Variants in NRXN1 observed in about 807,000 individuals in gnomAD.
NRXN1 encodes neurexin 1, also known as neurexin-1.
A neutral mutation model predicts 150.9 loss-of-function variants in NRXN1; 39 were observed. The observed-to-expected ratio is 0.26, with a 90% CI of 0.20 to 0.34. NRXN1 has a LOEUF of 0.34. Ranked by LOEUF, NRXN1 falls within the 10% of genes least tolerant of loss-of-function variation. The probability of loss-of-function intolerance (pLI) is 1.00; values close to 1 mark genes in which losing one functional copy is unlikely to be tolerated. For synonymous variants in NRXN1, 924 were observed against 757.0 expected, an observed-to-expected ratio of 1.22 and a Z score of -3.62; for missense variants, 1,815 against 1,949.9, an observed-to-expected ratio of 0.93 and a Z score of 1.30.
intron 5 of NRXN1, among the ~76,000 whole-genome samples, chr2:50,722,194 C>T (rs558317285): frequency 3.6e-4 from 54 of 152,066 alleles, no homozygotes; most frequent in Non-Finnish European, 2.4e-4. Flanking sequence ...TCATTTACTG[C>T]ATTATTTCTA....
Position 50,497,264 on chromosome 2 carries a change from T to G in NRXN1, c.2879+69A>C, listed in dbSNP as rs2091688343. On this transcript the variant is annotated intron_variant, in intron 14 of 22. Transcript: ENST00000401669. ...GAGCCAGTATGTTCTTCTTAGTGTA[T>G]ATTTTTGGAAATTGACGTCCATTTT... The G allele has an allele frequency of 1.4e-5, 17 of 1,252,698 alleles. No homozygotes were observed. In the South Asian group the frequency reaches 3.2e-4, roughly 24 times the overall value. 77.6% of individuals were successfully genotyped at this position (1,252,698 alleles called of 1,614,324 possible).
At chr2:50,392,514 G>C (rs775367846) in intron 17 of NRXN1, among the ~76,000 whole-genome samples, 1 of 152,104 alleles carries the variant, frequency 6.6e-6, no homozygotes, top group South Asian at 2.1e-4. Context: ...AAAAAGAGAT[G>C]TCTTTTACAA....
chr2:50,418,945 A>T (rs1465289970), intron 17 of NRXN1, among the ~76,000 whole-genome samples: 1 of 151,982 alleles, frequency 6.6e-6, no homozygotes, highest in African/African-American at 2.4e-5. Context: ...TAAGCTTTTT[A>T]TCATTTAAAT....
intron 8 of NRXN1, among the ~76,000 whole-genome samples, chr2:50,596,414 T>A (rs977296869): frequency 6.6e-6 from 1 of 152,234 alleles, no homozygotes; most frequent in Non-Finnish European, 1.5e-5. Context: ...TTTGTTGATG[T>A]ACACCATTTC....
chr2:50,266,758 C>T (rs1270038502), intron 17 of NRXN1, among the ~76,000 whole-genome samples: 3 of 152,002 alleles, frequency 2.0e-5, no homozygotes, highest in Non-Finnish European at 4.4e-5. Flanking sequence ...TCTTCCCTGG[C>T]ATTAATGACT....
At chr2:50,637,180 AT>A (rs1316550296) in intron 5 of NRXN1, among the ~76,000 whole-genome samples, 1 of 152,190 alleles carries the variant, frequency 6.6e-6, no homozygotes, top group African/African-American at 2.4e-5. Flanking sequence ...TTTTTAAAAA[AT>A]TAAGATCTTT....
chr2:50,190,605 T>C (rs916680223), intron 18 of NRXN1, among the ~76,000 whole-genome samples: 5 of 124,416 alleles, frequency 4.0e-5, no homozygotes, highest in African/African-American at 5.9e-5. Context: ...CCTTCTAACT[T>C]TTTTTTTCTT....
At chr2:50,805,089 G>T (rs892159594) in intron 5 of NRXN1, among the ~76,000 whole-genome samples, 5 of 152,094 alleles carry the variant, frequency 3.3e-5, no homozygotes, top group African/African-American at 1.2e-4. Context: ...TAAGTGAAGT[G>T]ATTAGAACAA....
chr2:50,275,641 T>C (rs1301841535), intron 17 of NRXN1, among the ~76,000 whole-genome samples: 2 of 152,150 alleles, frequency 1.3e-5, no homozygotes, highest in African/African-American at 2.4e-5. Flanking sequence ...CACTTTATGA[T>C]GTCAATTAAT....
chr2:50,280,310 T>A (rs1303102841), intron 17 of NRXN1, among the ~76,000 whole-genome samples: 3 of 150,694 alleles, frequency 2.0e-5, no homozygotes, highest in Admixed American at 6.6e-5. Context: ...ATATTAGAAG[T>A]CAACTATTCA....
At chr2:50,109,169 G>A (rs1702048639) in intron 18 of NRXN1, among the ~76,000 whole-genome samples, 1 of 152,096 alleles carries the variant, frequency 6.6e-6, no homozygotes, top group Non-Finnish European at 1.5e-5. Context: ...GTTAGAAAAT[G>A]TCCATAATGG....
chr2:50,293,965 T>TA (rs1469657420), intron 17 of NRXN1, among the ~76,000 whole-genome samples: 1 of 152,218 alleles, frequency 6.6e-6, no homozygotes, highest in East Asian at 1.9e-4. Context: ...TTCACAGAAA[T>TA]GAAAGTGGTT....
rs1267830517 is a variant in NRXN1 at position 50,161,028 on chromosome 2, AC to A, written c.3547-69535del. On this transcript the variant is annotated intron_variant, in intron 18 of 22. Transcript: ENST00000401669. ...GGTCAGAAATGTGATCTCCACTGTA[AC>A]AGCATTTTAGGGGAACAATTATATT... is the stretch of plus-strand genomic sequence containing the variant. Among the ~76,000 whole-genome samples, 3 of 152,136 alleles carry A rather than the reference AC, an allele frequency of 2.0e-5. No homozygotes were observed. The East Asian group carries it at 5.8e-4, about 29-fold the overall frequency.
At chr2:50,898,362 AT>A in intron 5 of NRXN1, among the ~76,000 whole-genome samples, 1 of 152,142 alleles carries the variant, frequency 6.6e-6, no homozygotes. Context: ...AATATGGGCC[AT>A]TCTGGCTTCT....
At chr2:50,533,778 G>C (rs1168608991) in intron 10 of NRXN1, among the ~76,000 whole-genome samples, 1 of 152,080 alleles carries the variant, frequency 6.6e-6, no homozygotes, top group African/African-American at 2.4e-5. Context: ...TGAAGTGTTT[G>C]CACTTTTAGA....
At chr2:50,993,937 A>G (rs143068430) in intron 2 of NRXN1, among the ~76,000 whole-genome samples, 68 of 152,000 alleles carry the variant, frequency 4.5e-4, no homozygotes, top group African/African-American at 1.5e-3. Flanking sequence ...ACTACTTTCT[A>G]TTTTCCTACA....
chr2:50,887,758 G>C (rs904988066), intron 5 of NRXN1, among the ~76,000 whole-genome samples: 12 of 151,196 alleles, frequency 7.9e-5, no homozygotes, highest in Non-Finnish European at 1.6e-4. Context: ...TTCATGGTCA[G>C]GGAAAAGATG....
At chr2:50,865,658 G>GTTTTTTT (rs71404978) in intron 5 of NRXN1, among the ~76,000 whole-genome samples, 3,829 of 41,892 alleles carry the variant, frequency 0.091, 1,014 homozygotes, top group Non-Finnish European at 0.11. Context: ...GCATTTGAAA[G>GTTTTTTT]TTTTTTTTTT....
intron 19 of NRXN1, among the ~76,000 whole-genome samples, chr2:50,056,417 A>T (rs180907558): frequency 6.7e-4 from 102 of 152,258 alleles, no homozygotes; most frequent in African/African-American, 2.3e-3. Context: ...AATATTTCAC[A>T]CATTAATATT....
Sources: gnomAD v4.1 joint callset for allele counts (sites outside exome capture counted in the v4.1 genomes callset) on GRCh38, gnomAD v4.1.1 for gene constraint, MANE v1.5 for transcripts, NCBI Gene and HGNC (gene_info 2026-07-23, HGNC 2026-07-21) for gene names.